The following KIF27 variants were observed in gnomAD, a reference collection of about 807,000 sequenced individuals.
The protein encoded by KIF27 is kinesin family member 27.
KIF27 carries 84 observed loss-of-function variants against 141.8 expected under a neutral mutation model. The ratio of observed to expected loss-of-function variants is 0.59; its 90% CI spans 0.50 to 0.71. The LOEUF is 0.71. KIF27 is among the 30% of genes least tolerant of loss of function. The pLI is 0.00. For missense variants in KIF27, 1,306 were observed against 1,628.4 expected (o/e 0.80, Z 3.41); for synonymous variants, 471 against 569.5 (o/e 0.83, Z 2.46).
chr9:83,872,754 A>G (rs1237996139), intron 11 of KIF27, among the ~76,000 whole-genome samples: 1 of 152,196 alleles, frequency 6.6e-6, no homozygotes, highest in Non-Finnish European at 1.5e-5. Flanking sequence ...AAGAGACAGT[A>G]AGGAAGACTT....
chr9:83,879,702 T>C (rs1415825158), intron 11 of KIF27, among the ~76,000 whole-genome samples: 2 of 152,012 alleles, frequency 1.3e-5, no homozygotes, highest in African/African-American at 2.4e-5. Flanking sequence ...GAGGGTAAAA[T>C]TTTTGAGAAA....
chr9:83,887,117 T>G lies in KIF27; in HGVS notation c.2163A>C (p.Glu721Asp). 6.2e-7 allele frequency: 1 copy of G among 1,605,724 alleles called. No individual in the cohort carries two copies. Among genetic ancestry groups the G allele is most frequent in the Non-Finnish European group, 8.5e-7 (1 of 1,177,212 alleles). Residue 721 changes from glutamate to aspartate, a missense_variant, in exon 9 of 18, where the codon GAA (glutamate) becomes GAC (aspartate). Physicochemically the swap from Glu to Asp is conservative, Grantham distance 45. Coordinates refer to ENST00000297814, the MANE Select transcript of KIF27 (RefSeq NM_017576.4). ...KLKNSERILT[E>D]AKQKMRELTI... ...TAAGTTCTCTCATTTTTTGTTTAGC[T>G]TCAGTAAGTATGCGTTCTGAATTCT...
At chr9:83,883,344 A>G (rs1235218690) in intron 10 of KIF27, among the ~76,000 whole-genome samples, 2 of 152,202 alleles carry the variant, frequency 1.3e-5, no homozygotes, top group South Asian at 2.1e-4. Flanking sequence ...CTATTTCTAA[A>G]GTTAAAGCTA....
intron 13 of KIF27, among the ~76,000 whole-genome samples, chr9:83,866,110 C>T (rs556376255): frequency 5.7e-4 from 87 of 152,208 alleles, no homozygotes; most frequent in African/African-American, 2.0e-3. Context: ...GAAAATAAAT[C>T]GGTCCCAGAG....
chr9:83,894,691 T>C (rs1332863662), intron 5 of KIF27, among the ~76,000 whole-genome samples: 1 of 152,218 alleles, frequency 6.6e-6, no homozygotes, highest in Non-Finnish European at 1.5e-5. Context: ...AAGCACATCC[T>C]CTGTGACTCT....
At chr9:83,905,103 T>A (rs1954366267) in intron 3 of KIF27, among the ~76,000 whole-genome samples, 1 of 152,030 alleles carries the variant, frequency 6.6e-6, no homozygotes, top group Non-Finnish European at 1.5e-5. Context: ...CATTATTTGT[T>A]TATATCCAAA....
At chr9:83,894,279 CTA>C (rs1251135444) in intron 5 of KIF27, among the ~76,000 whole-genome samples, 1 of 152,142 alleles carries the variant, frequency 6.6e-6, no homozygotes, top group Non-Finnish European at 1.5e-5. Context: ...GACAAGAATA[CTA>C]TGAGAAAGAA....
chr9:83,902,991 C>T (rs1954086522), intron 4 of KIF27, 69 bp downstream of exon 4: 2 of 958,752 alleles, frequency 2.1e-6, no homozygotes, highest in East Asian at 2.7e-5. Flanking sequence ...CACATGTACC[C>T]CCAAAATATG....
intron 3 of KIF27, among the ~76,000 whole-genome samples, chr9:83,907,780 A>T (rs939049198): frequency 6.6e-6 from 1 of 152,264 alleles, no homozygotes; most frequent in African/African-American, 2.4e-5. Flanking sequence ...CACTTAAAGC[A>T]AAAGCCACCT....
chr9:83,905,633 T>C (rs1325668268), intron 3 of KIF27, among the ~76,000 whole-genome samples: 1 of 152,232 alleles, frequency 6.6e-6, no homozygotes, highest in African/African-American at 2.4e-5. Flanking sequence ...CTGTAAGTCA[T>C]AGTAAAACTT....
intron 2 of KIF27, among the ~76,000 whole-genome samples, chr9:83,909,988 T>TGGGAGACAGAGGTTGCAGTGAGCC (rs1954973696): frequency 6.6e-6 from 1 of 152,084 alleles, no homozygotes; most frequent in Non-Finnish European, 1.5e-5. Context: ...TACTTGAGCC[T>TGGGAGACAGAGGTTGCAGTGAGCC]GGGAGACAGA....
intron 9 of KIF27, among the ~76,000 whole-genome samples, chr9:83,885,236 G>A (rs1242774684): frequency 1.3e-5 from 2 of 152,076 alleles, no homozygotes; most frequent in African/African-American, 4.8e-5. Flanking sequence ...GGGATTACAG[G>A]CACACGCCAC....
chr9:83,918,913 T>C (rs1311275613), intron 1 of KIF27, among the ~76,000 whole-genome samples: 1 of 151,974 alleles, frequency 6.6e-6, no homozygotes, highest in Non-Finnish European at 1.5e-5. Context: ...CCGTCCTTAC[T>C]AAAAATACAA....
chr9:83,920,790 A>G (rs1019820770), intron 1 of KIF27, among the ~76,000 whole-genome samples: 2 of 152,154 alleles, frequency 1.3e-5, no homozygotes, highest in East Asian at 3.9e-4. Flanking sequence ...CGAGGGAGGG[A>G]GCTCTCGGGC....
In KIF27 at chr9:83,903,757, G is replaced by T. The variant is rs141363838; in HGVS notation, c.761C>A (p.Thr254Lys). Residue 254 changes from threonine to lysine, a missense_variant, in exon 4 of 18, where the codon ACG becomes AAG. Transcript: ENST00000297814. ...DLAGSERVTKTGNTGERFKES... is the reference protein window; with the variant it reads ...DLAGSERVTKKGNTGERFKES... Reference sequence around the variant, plus strand: ...TTTGAACCGTTCACCAGTATTCCCCGTTTTGGTTACTCTTTCTGATCCTGC... The same window carrying T: ...TTTGAACCGTTCACCAGTATTCCCCTTTTTGGTTACTCTTTCTGATCCTGC... 2 of 1,613,988 alleles carry T rather than the reference G, an allele frequency of 1.2e-6. No individual in the cohort carries two copies. Among genetic ancestry groups the T allele is most frequent in the Non-Finnish European group, 8.5e-7 (1 of 1,180,042 alleles).
Position 83,848,146 on chromosome 9 carries a change from C to CATATATATCATATATA in KIF27, c.3556+1952_3556+1953insTATATATGATATATAT, listed in dbSNP as rs1947713451. Among the ~76,000 whole-genome samples, 3 of 44,780 alleles carry CATATATATCATATATA rather than the reference C, an allele frequency of 6.7e-5. 1 individual carries two copies. Among genetic ancestry groups the CATATATATCATATATA allele is most frequent in the Admixed American group, 1.9e-4 (1 of 5,248 alleles). The allele number at this position is 44,780 out of a possible 152,430, so 29.4% of individuals were successfully genotyped here. On this transcript the variant is annotated intron_variant, in intron 16 of 17. Coordinates refer to ENST00000297814, the MANE Select transcript of KIF27 (RefSeq NM_017576.4). The stretch of plus-strand genomic sequence containing the variant: ...ATCTGATATCTCATATATGATATAT[C>CATATATATCATATATA]TGATATATCATATATGATATATCTG...
intron 12 of KIF27, among the ~76,000 whole-genome samples, chr9:83,870,274 C>A (rs1950667607): frequency 6.6e-6 from 1 of 152,100 alleles, no homozygotes; most frequent in Non-Finnish European, 1.5e-5. Flanking sequence ...TCAAGCGATT[C>A]TCCTGCCTCA....
intron 7 of KIF27, 89 bp from the exon 8 acceptor site, chr9:83,888,681 A>G: frequency 1.4e-6 from 1 of 709,542 alleles, no homozygotes; most frequent in Admixed American, 3.1e-5. Context: ...AAGTAATGTT[A>G]AAAAAATTAT....
intron 11 of KIF27, 73 bp from the exon 12 acceptor site, chr9:83,870,705 T>TTA: frequency 4.0e-6 from 6 of 1,492,716 alleles, no homozygotes; most frequent in African/African-American, 1.5e-5. Flanking sequence ...GACAATTATT[T>TTA]TCTTTTTTTT....
Sources: allele counts gnomAD v4.1 joint callset (sites outside exome capture counted in the v4.1 genomes callset), GRCh38; gene constraint gnomAD v4.1.1; transcripts MANE v1.5; gene names NCBI Gene and HGNC (gene_info 2026-07-23, HGNC 2026-07-21).